Variants in RGS7 observed in about 807,000 individuals in gnomAD.
RGS7 encodes regulator of G protein signaling 7.
RGS7 carries 27 observed loss-of-function variants against 81.1 expected under a neutral mutation model. The ratio of observed to expected loss-of-function variants is 0.33; its 90% CI spans 0.25 to 0.46. The LOEUF is 0.46. Ranked by LOEUF, RGS7 falls within the 20% of genes least tolerant of loss-of-function variation. The pLI, the probability that RGS7 is intolerant of heterozygous loss-of-function variation, is 1.00. For missense variants in RGS7, 396 were observed against 607.4 expected (o/e 0.65, Z 3.66); for synonymous variants, 208 against 207.7 (o/e 1.00, Z -0.01).
chr1:240,828,003 G>C (rs1693180190), intron 9 of RGS7, among the ~76,000 whole-genome samples: 1 of 151,866 alleles, frequency 6.6e-6, no homozygotes, highest in Admixed American at 6.6e-5. Context: ...GTGAAACCCA[G>C]CAACTAGGAA....
Position 241,355,790 on chromosome 1 carries a change from T to C in RGS7, c.-14A>G, listed in dbSNP as rs368158388. ...CCCCTGGGCCATGTCACCCAAAACT[T>C]GGTCCACTCTCAAGATACAAGAATT... On this transcript the variant is annotated 5_prime_UTR_variant, in exon 2 of 19. Transcript: ENST00000440928. 6.0e-5 allele frequency: 96 copies of C among 1,612,416 alleles called. No individual in the cohort carries two copies. The highest frequency in any genetic ancestry group is 5.3e-5 in the African/African-American group (4 of 74,874).
intron 2 of RGS7, among the ~76,000 whole-genome samples, chr1:241,345,095 G>A (rs540566964): frequency 6.6e-6 from 1 of 152,196 alleles, no homozygotes; most frequent in Non-Finnish European, 1.5e-5. Flanking sequence ...GAACATGGAA[G>A]TAGCTGGAGG....
At chr1:240,882,962 A>G (rs1323949087) in intron 6 of RGS7, among the ~76,000 whole-genome samples, 1 of 152,082 alleles carries the variant, frequency 6.6e-6, no homozygotes, top group African/African-American at 2.4e-5. Flanking sequence ...TCATTGTTCA[A>G]TTCCCACCTA....
chr1:241,020,554 C>T (rs1425883188), intron 3 of RGS7, among the ~76,000 whole-genome samples: 2 of 152,134 alleles, frequency 1.3e-5, no homozygotes, highest in Non-Finnish European at 2.9e-5. Context: ...TTAATTCCAT[C>T]TGCAAAGATA....
In RGS7 at chr1:240,868,478, T is replaced by C. The variant is rs894978402; in HGVS notation, c.609+109A>G. On this transcript the variant is annotated intron_variant, in intron 9 of 18. Coordinates refer to ENST00000440928, the MANE Select transcript of RGS7 (RefSeq NM_001364886.1). This position sits in a 1 kb window ranked among gnomAD's most constrained non-coding sequence, Gnocchi z 5.1. ...TCTTAATGAATTCACCAAGATACCA[T>C]GGAGCGTGCATGGGGTCACTACAGT... is the stretch of plus-strand genomic sequence containing the variant. 3.4e-6 allele frequency: 3 copies of C among 883,186 alleles called. No individual in the cohort carries two copies. The highest frequency in any genetic ancestry group is 2.4e-5 in the East Asian group (1 of 41,490). 54.7% of individuals were successfully genotyped at this position (883,186 alleles called of 1,614,324 possible).
At chr1:240,900,930 G>A (rs981190068) in intron 6 of RGS7, among the ~76,000 whole-genome samples, 64 of 152,228 alleles carry the variant, frequency 4.2e-4, no homozygotes, top group African/African-American at 1.3e-3. Context: ...CTTGAGCTGC[G>A]GTGGGCTCCA....
chr1:241,301,901 T>C (rs1257878432), intron 2 of RGS7, among the ~76,000 whole-genome samples: 1 of 152,224 alleles, frequency 6.6e-6, no homozygotes, highest in Non-Finnish European at 1.5e-5. Flanking sequence ...AATGTAGTAG[T>C]TAGTGCAAAT....
chr1:241,225,336 T>G (rs959787147), intron 2 of RGS7, among the ~76,000 whole-genome samples: 2 of 152,208 alleles, frequency 1.3e-5, no homozygotes, highest in African/African-American at 4.8e-5. Context: ...ATTTATGCAT[T>G]TCTCCCACAT....
chr1:240,834,916 CCA>C (rs67071227), intron 9 of RGS7, among the ~76,000 whole-genome samples: 19,648 of 144,282 alleles, frequency 0.14, 1,336 homozygotes, highest in Admixed American at 0.2. Context: ...ACCTTACACT[CCA>C]CACACACACA....
intron 2 of RGS7, among the ~76,000 whole-genome samples, chr1:241,306,191 A>C (rs2080112343): frequency 7.1e-6 from 1 of 141,102 alleles, no homozygotes; most frequent in Non-Finnish European, 1.6e-5. Flanking sequence ...CCCATGCACA[A>C]ATACACACAC....
At position 241,205,331 on chromosome 1, in the gene RGS7, C is replaced by T. The variant is rs181438649; in HGVS notation, c.79-106569G>A. On this transcript the variant is annotated intron_variant, in intron 2 of 18. Coordinates refer to ENST00000440928, the MANE Select transcript of RGS7 (RefSeq NM_001364886.1). ...TCTTGACCTCATGATCCACCCGCCTCGGCCTCCCAAAGTGCTGGGATTACA... is the reference window on the plus strand; with the variant it reads ...TCTTGACCTCATGATCCACCCGCCTTGGCCTCCCAAAGTGCTGGGATTACA... Among the ~76,000 whole-genome samples, 18 of 151,832 alleles carry T rather than the reference C, an allele frequency of 1.2e-4. No homozygotes were observed. The East Asian group carries it at 1.4e-3, about 11-fold the overall frequency.
At chr1:241,290,863 A>G (rs894079504) in intron 2 of RGS7, among the ~76,000 whole-genome samples, 2 of 152,358 alleles carry the variant, frequency 1.3e-5, no homozygotes, top group Non-Finnish European at 2.9e-5. Context: ...ACCTGTAAAT[A>G]CGAACTCTAC....
chr1:241,031,538 T>G (rs1558622861), intron 3 of RGS7, among the ~76,000 whole-genome samples: 1 of 151,906 alleles, frequency 6.6e-6, no homozygotes, highest in Non-Finnish European at 1.5e-5. Context: ...TTTTTAGTAC[T>G]TTGAAAAATC....
rs183036396 is a variant in RGS7 at position 240,951,556 on chromosome 1, G to A, written c.227-14850C>T. ...ACAACTCTAAGGAAAGAATCAGTGAGCTTGAAGATTAACCAACAGAAACCT... is the reference window on the plus strand; with the variant it reads ...ACAACTCTAAGGAAAGAATCAGTGAACTTGAAGATTAACCAACAGAAACCT... On this transcript the variant is annotated intron_variant, in intron 4 of 18. Coordinates refer to ENST00000440928, the MANE Select transcript of RGS7 (RefSeq NM_001364886.1). Among the ~76,000 whole-genome samples the A allele has an allele frequency of 2.0e-3, 308 of 152,248 alleles. 1 individual carries two copies. The highest frequency in any genetic ancestry group is 6.7e-3 in the African/African-American group (278 of 41,542).
At chr1:241,201,993 AACACACAGAC>A (rs1378473865) in intron 2 of RGS7, among the ~76,000 whole-genome samples, 1 of 109,408 alleles carries the variant, frequency 9.1e-6, no homozygotes, top group African/African-American at 4.5e-5. Flanking sequence ...CAACCCTGCA[AACACACAGAC>A]ACACACAGAC....
intron 3 of RGS7, among the ~76,000 whole-genome samples, chr1:241,062,570 T>A (rs1009994033): frequency 2.0e-5 from 3 of 152,208 alleles, no homozygotes; most frequent in African/African-American, 7.2e-5. Flanking sequence ...ATAGGTGACC[T>A]AGAACTGAAG....
At chr1:240,956,388 C>CA (rs55931703) in intron 4 of RGS7, among the ~76,000 whole-genome samples, 119,358 of 147,728 alleles carry the variant, frequency 0.81, 48,868 homozygotes, top group East Asian at 0.89. Flanking sequence ...AACAAAAAAA[C>CA]AAAAAAAAAA....
intron 2 of RGS7, among the ~76,000 whole-genome samples, chr1:241,235,909 T>A (rs1007961252): frequency 7.3e-6 from 1 of 137,900 alleles, no homozygotes; most frequent in Non-Finnish European, 1.6e-5. Context: ...AGATGCACTT[T>A]GAGAGAGAGA....
At chr1:240,824,099 T>C (rs1173490163) in intron 10 of RGS7, among the ~76,000 whole-genome samples, 1 of 152,238 alleles carries the variant, frequency 6.6e-6, no homozygotes, top group African/African-American at 2.4e-5. Context: ...ATTCTTAACA[T>C]ATCTCAAATC....
Sources: gnomAD v4.1 joint callset for allele counts (sites outside exome capture counted in the v4.1 genomes callset) on GRCh38, gnomAD v4.1.1 for gene constraint, Gnocchi (gnomAD v3.1) non-coding constraint, MANE v1.5 for transcripts, NCBI Gene and HGNC (gene_info 2026-07-23, HGNC 2026-07-21) for gene names.